SFXN2: variants seen among roughly 807,000 people sequenced by gnomAD.
SFXN2 encodes the protein sideroflexin 2.
Under a neutral mutation model 41.9 loss-of-function variants are expected in SFXN2, and 37 were observed. That is an observed-to-expected ratio of 0.88 (90% confidence interval 0.68 to 1.16). The LOEUF (loss-of-function observed/expected upper bound fraction) is 1.16. Among genes scored for constraint, SFXN2 ranks in the 50% most tolerant of loss-of-function variants. The pLI, the probability that SFXN2 is intolerant of heterozygous loss-of-function variation, is 0.00. For synonymous variants in SFXN2, 150 were observed against 156.7 expected (o/e 0.96, Z 0.32); for missense variants, 386 against 425.2 (o/e 0.91, Z 0.81).
intron 2 of SFXN2, 79 bp from the exon 3 acceptor site, chr10:102,726,908 G>T (rs1053195021): frequency 3.8e-6 from 6 of 1,579,042 alleles, no homozygotes; most frequent in Non-Finnish European, 5.2e-6. Flanking sequence ...AGGGCTGGGG[G>T]CTGGAAGAAG....
chr10:102,721,032 C>T (rs529787717), intron 1 of SFXN2, among the ~76,000 whole-genome samples: 1 of 152,174 alleles, frequency 6.6e-6, no homozygotes, highest in African/African-American at 2.4e-5. Flanking sequence ...CACCCCTGAA[C>T]CCCCTCTGAG....
In SFXN2 at chr10:102,737,713, C is replaced by A. The variant is rs760045596; in HGVS notation, c.920C>A (p.Ala307Asp). 1.9e-6 allele frequency: 3 copies of A among 1,613,054 alleles called. No homozygotes were observed. The South Asian group carries it at 3.3e-5, about 18-fold the overall frequency. ...CCGAAGCTCCAAGACACTATCAAGG[C>A]CAAGTATGGAGAACTTGAGCCTTAT... ...LEPKLQDTIK[A>D]KYGELEPYVY... Residue 307 changes from alanine (A) to aspartate (D), a missense_variant, in exon 12 of 12, where the codon GCC becomes GAC. Physicochemically the swap from Ala to Asp is moderately radical, Grantham distance 126. Coordinates refer to ENST00000369893, the MANE Select transcript of SFXN2 (RefSeq NM_178858.6).
intron 3 of SFXN2, 75 bp downstream of exon 3, chr10:102,727,232 A>G: frequency 6.9e-7 from 1 of 1,442,720 alleles, no homozygotes; most frequent in Non-Finnish European, 9.5e-7. Flanking sequence ...CTATGATAAT[A>G]ATAATAGTTC....
intron 5 of SFXN2, 92 bp from the exon 6 acceptor site, chr10:102,729,631 A>G: frequency 2.2e-6 from 3 of 1,348,898 alleles, no homozygotes; most frequent in Non-Finnish European, 3.1e-6. Context: ...AGCAAGGCCT[A>G]GTTTTCTTTT....
Position 102,739,650 on chromosome 10 carries a change from G to C in SFXN2, c.*1888G>C, listed in dbSNP as rs2064824831. ...GCATCAACCGGGCGCAGTGGCTCAT[G>C]CCTGTAATCCCCACACTTTGGGAGG... On this transcript the variant is annotated 3_prime_UTR_variant, in exon 12 of 12. Coordinates refer to ENST00000369893, the MANE Select transcript of SFXN2 (RefSeq NM_178858.6). 6.6e-6 allele frequency: 1 copy of C among 152,224 alleles called. No individual in the cohort carries two copies. The highest frequency in any genetic ancestry group is 6.5e-5 in the Admixed American group (1 of 15,272). The allele number at this position is 152,224 out of a possible 1,614,324, so 9.4% of individuals were successfully genotyped here.
intron 1 of SFXN2, among the ~76,000 whole-genome samples, chr10:102,725,338 TTC>T (rs1312859503): frequency 6.6e-6 from 1 of 152,114 alleles, no homozygotes; most frequent in Non-Finnish European, 1.5e-5. Flanking sequence ...GTGGCTGGAG[TTC>T]TCTTTCCCCA....
rs769116693 is a variant in SFXN2, at chr10:102,731,731, T to A, written c.602T>A (p.Ile201Lys). The change falls in exon 7 of 12, where the codon ATA becomes AAA. Residue 201 changes from isoleucine (I) to lysine (K), a missense_variant. Coordinates refer to ENST00000369893, the MANE Select transcript of SFXN2 (RefSeq NM_178858.6). ...CTCCTGTCTGTGTTTAGGGAGCTCA[T>A]AAAGGGAATCTGCGTGAAGGACAGG... ...NIPMMRQQEL[I>K]KGICVKDRNE... 1.9e-6 allele frequency: 3 copies of A among 1,613,922 alleles called. No homozygotes were observed. The highest frequency in any genetic ancestry group is 2.5e-6 in the Non-Finnish European group (3 of 1,179,826).
chr10:102,730,778 C>T (rs2064690559), intron 6 of SFXN2, among the ~76,000 whole-genome samples: 1 of 151,996 alleles, frequency 6.6e-6, no homozygotes, highest in Admixed American at 6.5e-5. Flanking sequence ...TGGCAAAACC[C>T]CATCTCTACT....
At chr10:102,733,208 C>T (rs1256065919) in intron 9 of SFXN2, among the ~76,000 whole-genome samples, 1 of 152,182 alleles carries the variant, frequency 6.6e-6, no homozygotes, top group African/African-American at 2.4e-5. Flanking sequence ...AGTGCAGTGG[C>T]GCGATCTTGG....
intron 1 of SFXN2, chr10:102,716,553 CTT>C (rs1286780093): frequency 3.0e-5 from 4 of 131,200 alleles, no homozygotes; most frequent in Non-Finnish European, 6.4e-5. Flanking sequence ...GTTTCCCTCT[CTT>C]TCTTTCCTTT....
rs1407064485 is a variant in SFXN2, at chr10:102,739,420, T to C, written c.*1658T>C. On this transcript the variant is annotated 3_prime_UTR_variant, in exon 12 of 12. Transcript: ENST00000369893. ...CCCTAGAGCAAGAGTTGGCAAGCTA[T>C]GGCTCAAGGGGCCAAATCCACCTGC... 2 of 152,114 alleles carry C rather than the reference T, an allele frequency of 1.3e-5. No individual in the cohort carries two copies. Among genetic ancestry groups the C allele is most frequent in the Non-Finnish European group, 2.9e-5 (2 of 68,018 alleles). 9.4% of individuals were successfully genotyped at this position (152,114 alleles called of 1,614,324 possible). A position where few individuals can be genotyped will look rare whatever the true frequency, so the allele number is the denominator to read the frequency against.
chr10:102,732,246 G>T, intron 8 of SFXN2, 28 bp downstream of exon 8: 2 of 1,606,002 alleles, frequency 1.2e-6, no homozygotes, highest in South Asian at 1.1e-5. Flanking sequence ...TTCCATCCTG[G>T]GGAAGCCTGT....
intron 3 of SFXN2, among the ~76,000 whole-genome samples, chr10:102,728,006 G>T (rs1291146074): frequency 2.0e-5 from 3 of 152,290 alleles, no homozygotes; most frequent in African/African-American, 7.2e-5. Flanking sequence ...GCATAAAACA[G>T]TATGGGAACA....
At chr10:102,733,927 G>C (rs749534265) in intron 10 of SFXN2, among the ~76,000 whole-genome samples, 1 of 150,660 alleles carries the variant, frequency 6.6e-6, no homozygotes, top group Non-Finnish European at 1.5e-5. Flanking sequence ...TCGCTCTGTC[G>C]CCCAGTCTGG....
chr10:102,727,162 G>T lies in SFXN2; in HGVS notation c.332+5G>T. ...CTTCATGCTCCAGTTCTACAGGTGGGACCTGGGGGCAGGGCCGTGGGAGGT... is the reference window on the plus strand; with the variant it reads ...CTTCATGCTCCAGTTCTACAGGTGGTACCTGGGGGCAGGGCCGTGGGAGGT... On this transcript the variant is annotated splice_donor_5th_base_variant and intron_variant, in intron 3 of 11. Transcript: ENST00000369893. The T allele has an allele frequency of 6.3e-7, 1 of 1,591,644 alleles. No individual in the cohort carries two copies. Among genetic ancestry groups the T allele is most frequent in the East Asian group, 2.3e-5 (1 of 44,176 alleles).
Position 102,726,624 on chromosome 10 carries a change from ATG to A in SFXN2, c.-8_-7del. On this transcript the variant is annotated 5_prime_UTR_variant, in exon 2 of 12. It introduces an in-frame stop codon into an upstream open reading frame of the 5' UTR. Transcript: ENST00000369893. ...CTTTGTCCCTTAGGTCCACAGTTTT[ATG>A]TGTGAGCAAGATGGAGGCTGACCTG... is the stretch of plus-strand genomic sequence containing the variant. 6.2e-7 allele frequency: 1 copy of A among 1,614,006 alleles called. No individual in the cohort carries two copies. The highest frequency in any genetic ancestry group is 8.5e-7 in the Non-Finnish European group (1 of 1,179,946).
At chr10:102,720,119 C>T (rs889849967) in intron 1 of SFXN2, among the ~76,000 whole-genome samples, 8 of 151,868 alleles carry the variant, frequency 5.3e-5, no homozygotes, top group Non-Finnish European at 7.4e-5. Context: ...GGTGAAACCG[C>T]GTCTCTACTA....
chr10:102,715,838 C>T (rs2064402996), intron 1 of SFXN2, among the ~76,000 whole-genome samples: 4 of 150,010 alleles, frequency 2.7e-5, no homozygotes, highest in Admixed American at 6.7e-5. Flanking sequence ...GTCCTAGCTA[C>T]TCGGGAGGTT....
intron 4 of SFXN2, among the ~76,000 whole-genome samples, chr10:102,728,912 A>C (rs1025113430): frequency 1.3e-5 from 2 of 152,084 alleles, no homozygotes; most frequent in Middle Eastern, 3.2e-3. Flanking sequence ...AAAACAAACA[A>C]AAAAAACCAC....
Sources: allele counts gnomAD v4.1 joint callset (sites outside exome capture counted in the v4.1 genomes callset), GRCh38; gene constraint gnomAD v4.1.1; transcripts MANE v1.5; gene names NCBI Gene and HGNC (gene_info 2026-07-23, HGNC 2026-07-21).